NFKB1: variants seen among roughly 807,000 people sequenced by gnomAD.
NFKB1 encodes the protein nuclear factor kappa B subunit 1.
NFKB1 carries 9 observed loss-of-function variants against 105.1 expected under a neutral mutation model. The ratio of observed to expected loss-of-function variants is 0.09; its 90% CI spans 0.05 to 0.15. The LOEUF (loss-of-function observed/expected upper bound fraction) is 0.15, where lower values mean the gene tolerates loss of function less well. Among genes scored for constraint, NFKB1 ranks in the 10% least tolerant of loss-of-function variants. NFKB1 has a pLI of 1.00. For missense variants in NFKB1, 830 were observed against 1,203.7 expected, an observed-to-expected ratio of 0.69 and a Z score of 4.59; for synonymous variants, 440 against 442.2, an observed-to-expected ratio of 1.00 and a Z score of 0.06.
intron 6 of NFKB1, among the ~76,000 whole-genome samples, chr4:102,572,676 T>A (rs75871370): frequency 6.6e-6 from 1 of 152,254 alleles, no homozygotes; most frequent in Non-Finnish European, 1.5e-5. Flanking sequence ...TATCTCATTG[T>A]GTTTTAATTT....
chr4:102,613,390 C>A lies in NFKB1; in HGVS notation c.2593-35C>A, dbSNP rs1044298824. 8 of 1,606,584 alleles carry A rather than the reference C, an allele frequency of 5.0e-6. 1 individual carries two copies. The African/African-American group carries it at 1.1e-4, about 21-fold the overall frequency. ...TACAGCCTGCACTGGGACTCGAACA[C>A]AAGAACATGCTCCTCCTTCCTTTCT... On this transcript the variant is annotated intron_variant, in intron 22 of 23. Coordinates refer to ENST00000226574, the MANE Select transcript of NFKB1 (RefSeq NM_003998.4).
intron 15 of NFKB1, among the ~76,000 whole-genome samples, chr4:102,599,603 A>G (rs1726956466): frequency 6.6e-6 from 1 of 152,176 alleles, no homozygotes; most frequent in Non-Finnish European, 1.5e-5. Flanking sequence ...GTGCACATGT[A>G]TCCCCTATGC....
intron 7 of NFKB1, chr4:102,578,055 C>T: frequency 1.2e-6 from 1 of 865,516 alleles, no homozygotes; most frequent in Non-Finnish European, 1.4e-6. Flanking sequence ...CCCTTCAGGT[C>T]AAAGTCTACT....
At chr4:102,502,384 G>A (rs1452838650) in intron 1 of NFKB1, among the ~76,000 whole-genome samples, 2 of 102,450 alleles carry the variant, frequency 2.0e-5, no homozygotes, top group African/African-American at 1.3e-4. Flanking sequence ...GTGCGCGCGC[G>A]CGCGCGCACA....
At position 102,606,748 on chromosome 4, in the gene NFKB1, T is replaced by A. The variant is rs752312936; in HGVS notation, c.1954+51T>A. The A allele has an allele frequency of 2.0e-6, 3 of 1,524,190 alleles. No individual in the cohort carries two copies. In the Admixed American group the frequency reaches 5.5e-5, roughly 28 times the overall value. The allele number at this position is 1,524,190 out of a possible 1,614,324, so 94.4% of individuals were successfully genotyped here. A position where few individuals can be genotyped will look rare whatever the true frequency, so the allele number is the denominator to read the frequency against. On this transcript the variant is annotated intron_variant, in intron 17 of 23. Coordinates refer to ENST00000226574, the MANE Select transcript of NFKB1 (RefSeq NM_003998.4). ...TGTAACTTTCTCCACCTTCTAAATA[T>A]CTACTAGGTATTTGATAAACGTGTG...
rs977346094 is a variant in NFKB1 at position 102,611,929 on chromosome 4, T to A, written c.2353-115T>A. On this transcript the variant is annotated intron_variant, in intron 20 of 23. Coordinates refer to ENST00000226574, the MANE Select transcript of NFKB1 (RefSeq NM_003998.4). ...GATTCCTCTTGCCATTCCTCCATCA[T>A]TAGGGTACCAGGCCCTCCTAAGGAG... is the stretch of plus-strand genomic sequence containing the variant. 11 of 745,046 alleles carry A rather than the reference T, an allele frequency of 1.5e-5. No homozygotes were observed. The African/African-American group carries it at 1.9e-4, about 13-fold the overall frequency. 46.2% of individuals were successfully genotyped at this position (745,046 alleles called of 1,614,324 possible).
At chr4:102,568,151 A>G (rs1199471284) in intron 6 of NFKB1, among the ~76,000 whole-genome samples, 1 of 152,094 alleles carries the variant, frequency 6.6e-6, no homozygotes, top group Admixed American at 6.6e-5. Flanking sequence ...TCAAGTTTCA[A>G]ATTGGTTATT....
intron 5 of NFKB1, among the ~76,000 whole-genome samples, chr4:102,550,775 T>A (rs1722512599): frequency 6.6e-6 from 1 of 152,210 alleles, no homozygotes; most frequent in Non-Finnish European, 1.5e-5. Flanking sequence ...AAAAGTTACT[T>A]GGATTAGATT....
intron 5 of NFKB1, among the ~76,000 whole-genome samples, chr4:102,563,514 AAATT>A (rs1274188363): frequency 6.6e-6 from 1 of 152,210 alleles, no homozygotes; most frequent in African/African-American, 2.4e-5. Flanking sequence ...TTACAGTAAT[AAATT>A]AATAAATAAG....
intron 5 of NFKB1, among the ~76,000 whole-genome samples, chr4:102,546,268 T>TAGC (rs1198677799): frequency 6.6e-6 from 1 of 151,848 alleles, no homozygotes; most frequent in African/African-American, 2.4e-5. Context: ...CCACCTTGAG[T>TAGC]AGCAGAACAT....
At chr4:102,610,015 T>G (rs1343507876) in intron 19 of NFKB1, among the ~76,000 whole-genome samples, 2 of 152,220 alleles carry the variant, frequency 1.3e-5, no homozygotes, top group East Asian at 3.8e-4. Flanking sequence ...CAGACTACAT[T>G]TCCCAAAATA....
intron 11 of NFKB1, 21 bp downstream of exon 11, chr4:102,584,841 C>A: frequency 6.4e-7 from 1 of 1,572,248 alleles, no homozygotes; most frequent in Non-Finnish European, 8.6e-7. Flanking sequence ...TGTTTAAAAT[C>A]TTATGCTCAT....
chr4:102,580,387 C>A (rs1450053671), intron 8 of NFKB1, 148 bp from the exon 9 acceptor site: 4 of 670,690 alleles, frequency 6.0e-6, no homozygotes, highest in Non-Finnish European at 1.1e-5. Flanking sequence ...ATTTCAGAAG[C>A]CATTCTTGTT....
At chr4:102,550,277 G>A (rs230515) in intron 5 of NFKB1, among the ~76,000 whole-genome samples, 106,511 of 151,740 alleles carry the variant, frequency 0.7, 38,128 homozygotes, top group African/African-American at 0.83. Context: ...TTCTGAAATT[G>A]TAAGCTATTC....
chr4:102,511,320 T>C (rs1019309838), intron 1 of NFKB1, among the ~76,000 whole-genome samples: 1 of 152,244 alleles, frequency 6.6e-6, no homozygotes, highest in Non-Finnish European at 1.5e-5. Context: ...AGGCACACAG[T>C]GCCAAACAAG....
intron 1 of NFKB1, among the ~76,000 whole-genome samples, chr4:102,509,681 A>G (rs1026366871): frequency 1.3e-5 from 2 of 152,150 alleles, no homozygotes; most frequent in Non-Finnish European, 2.9e-5. Flanking sequence ...TTAGCCTGTT[A>G]GGGTCCATTC....
In NFKB1 at chr4:102,596,308, A is replaced by C. The variant is rs1343662720; in HGVS notation, c.1471A>C (p.Lys491Gln). 1.9e-6 allele frequency: 3 copies of C among 1,610,052 alleles called. No individual in the cohort carries two copies. Among genetic ancestry groups the C allele is most frequent in the East Asian group, 4.5e-5 (2 of 44,860 alleles). Residue 491 changes from lysine (K) to glutamine (Q), a missense_variant, in exon 14 of 24, where the codon AAA becomes CAA. Coordinates refer to ENST00000226574, the MANE Select transcript of NFKB1 (RefSeq NM_003998.4). ...EVTLTYATGTKEESAGVQDNL... is the reference protein window; with the variant it reads ...EVTLTYATGTQEESAGVQDNL... ...CACTCTAACGTATGCAACAGGAACA[A>C]AAGAAGAGAGTGCTGGAGTTCAGGG...
chr4:102,527,236 C>T (rs1420357454), intron 2 of NFKB1, among the ~76,000 whole-genome samples: 3 of 152,126 alleles, frequency 2.0e-5, no homozygotes, highest in Non-Finnish European at 4.4e-5. Context: ...TAGTAGTCTG[C>T]GCAGAGCGGG....
rs777416263 is a variant in NFKB1, at chr4:102,610,708, C to T, written c.2352+9C>T. ...TGGCCACCAGCTGGCAGGTGAGTGCCGCTCCATCTGTCTGATGGCTGCCCC... is the reference window on the plus strand; with the variant it reads ...TGGCCACCAGCTGGCAGGTGAGTGCTGCTCCATCTGTCTGATGGCTGCCCC... On this transcript the variant is annotated intron_variant, in intron 20 of 23. Transcript: ENST00000226574. The T allele has an allele frequency of 3.0e-5, 49 of 1,613,092 alleles. No homozygotes were observed. The African/African-American group carries it at 4.3e-4, about 14-fold the overall frequency.
Sources: gnomAD v4.1 joint callset for allele counts (sites outside exome capture counted in the v4.1 genomes callset) on GRCh38, gnomAD v4.1.1 for gene constraint, MANE v1.5 for transcripts, NCBI Gene and HGNC (gene_info 2026-07-23, HGNC 2026-07-21) for gene names.